The following ARB2A variants were observed in gnomAD, a reference collection of about 807,000 sequenced individuals.
ARB2A encodes ARB2 cotranscriptional regulator A, also known as cotranscriptional regulator ARB2A.
the ARB2A span, among the ~76,000 whole-genome samples, chr5:93,853,663 A>C: frequency 1.3e-5 from 2 of 152,202 alleles, no homozygotes; most frequent in Non-Finnish European, 2.9e-5. Context: ...AGTTTTTAGC[A>C]TGAAGGGTTG....
At chr5:93,957,352 T>C in the ARB2A span, among the ~76,000 whole-genome samples, 2 of 152,188 alleles carry the variant, frequency 1.3e-5, no homozygotes, top group Non-Finnish European at 2.9e-5. Flanking sequence ...AGTTATATTT[T>C]CAAATATTCA....
At chr5:93,736,632 T>C in the ARB2A span, 1 of 152,104 alleles carries the variant, frequency 6.6e-6, no homozygotes, top group Non-Finnish European at 1.5e-5. Context: ...GGTGCAATGG[T>C]GATGGTAGTA....
At chr5:93,670,886 C>G in the ARB2A span, among the ~76,000 whole-genome samples, 1 of 152,132 alleles carries the variant, frequency 6.6e-6, no homozygotes, top group Non-Finnish European at 1.5e-5. Flanking sequence ...TACAATTGTA[C>G]TATTTAAAAT....
the ARB2A span, chr5:94,053,241 G>C: frequency 3.0e-6 from 4 of 1,319,234 alleles, no homozygotes; most frequent in Non-Finnish European, 4.2e-6. Context: ...GAAAAGAAAT[G>C]ATATGAAATT....
chr5:93,618,083 GTTT>G, the ARB2A span: 1 of 150,736 alleles, frequency 6.6e-6, no homozygotes, highest in East Asian at 1.9e-4. Context: ...TGGGAAAATT[GTTT>G]TTATTTTAAA....
chr5:93,653,553 A>AAAAAAAAAAAC, the ARB2A span, among the ~76,000 whole-genome samples: 3 of 130,070 alleles, frequency 2.3e-5, no homozygotes, highest in African/African-American at 9.1e-5. Flanking sequence ...AAAAAAAAAA[A>AAAAAAAAAAAC]AAAGACATTA....
At chr5:93,704,700 C>A in the ARB2A span, among the ~76,000 whole-genome samples, 1 of 152,242 alleles carries the variant, frequency 6.6e-6, no homozygotes, top group African/African-American at 2.4e-5. Context: ...CTGAAACATA[C>A]ACCTGATTTA....
At chr5:94,064,454 G>T in the ARB2A span, among the ~76,000 whole-genome samples, 147 of 152,272 alleles carry the variant, frequency 9.7e-4, no homozygotes, top group African/African-American at 3.4e-3. Flanking sequence ...AACTTTCAAC[G>T]TCTAGAAAGA....
chr5:93,766,136 T>C, the ARB2A span, among the ~76,000 whole-genome samples: 1 of 152,148 alleles, frequency 6.6e-6, no homozygotes, highest in Non-Finnish European at 1.5e-5. Context: ...GGGCAAGGAC[T>C]TCATGTCTAA....
At chr5:93,711,483 T>C in the ARB2A span, among the ~76,000 whole-genome samples, 1 of 152,198 alleles carries the variant, frequency 6.6e-6, no homozygotes, top group African/African-American at 2.4e-5. Flanking sequence ...TCTTTCATCT[T>C]GTTCCATAAA....
chr5:93,823,784 G>A, the ARB2A span, among the ~76,000 whole-genome samples: 1 of 151,792 alleles, frequency 6.6e-6, no homozygotes, highest in Admixed American at 6.6e-5. Context: ...GTGAAACCCC[G>A]TCTCTACTAA....
At chr5:93,715,182 A>T in the ARB2A span, among the ~76,000 whole-genome samples, 1 of 152,208 alleles carries the variant, frequency 6.6e-6, no homozygotes, top group Non-Finnish European at 1.5e-5. Context: ...ATATATAATC[A>T]AAAGAGGATT....
chr5:94,079,558 C>CTGT, the ARB2A span, among the ~76,000 whole-genome samples: 2 of 152,122 alleles, frequency 1.3e-5, no homozygotes, highest in African/African-American at 2.4e-5. Flanking sequence ...TACAGCCAAA[C>CTGT]AACACAACTT....
chr5:94,085,769 A>C, the ARB2A span, among the ~76,000 whole-genome samples: 1 of 152,358 alleles, frequency 6.6e-6, no homozygotes, highest in South Asian at 2.1e-4. Context: ...ACTGTAGTAC[A>C]TTAACAGGGC....
At chr5:93,881,553 T>C in the ARB2A span, 3 of 1,611,308 alleles carry the variant, frequency 1.9e-6, no homozygotes, top group Non-Finnish European at 2.5e-6. Context: ...TTTGTTTCTT[T>C]AGAAACTTTA....
the ARB2A span, chr5:93,618,166 A>G: frequency 4.6e-5 from 7 of 152,068 alleles, no homozygotes; most frequent in Non-Finnish European, 1.0e-4. Context: ...CGCATAAACA[A>G]TAATAATGCA....
the ARB2A span, among the ~76,000 whole-genome samples, chr5:93,644,848 A>G: frequency 6.6e-6 from 1 of 152,222 alleles, no homozygotes. Context: ...GATAAAGTTA[A>G]GAAATCTGCA....
the ARB2A span, among the ~76,000 whole-genome samples, chr5:93,916,782 T>C: frequency 1.1e-4 from 16 of 152,230 alleles, no homozygotes; most frequent in Admixed American, 4.6e-4. Context: ...CTCTCTACTC[T>C]GAGCAGATCC....
chr5:93,875,942 T>C, the ARB2A span, among the ~76,000 whole-genome samples: 5 of 152,170 alleles, frequency 3.3e-5, no homozygotes, highest in Non-Finnish European at 5.9e-5. Flanking sequence ...GGTGAAAATA[T>C]GTTTTTTAAA....
Sources: allele counts gnomAD v4.1 joint callset (sites outside exome capture counted in the v4.1 genomes callset), GRCh38; gene constraint gnomAD v4.1.1; transcripts MANE v1.5; gene names NCBI Gene and HGNC (gene_info 2026-07-23, HGNC 2026-07-21).